The following SEMA6A variants were observed in gnomAD, a reference collection of about 807,000 sequenced individuals.
The protein encoded by SEMA6A is semaphorin 6A, also known as semaphorin-6A.
In SEMA6A, 25 loss-of-function variants were observed where a neutral mutation model predicts 96.8. That is an observed-to-expected ratio of 0.26 (90% CI 0.19 to 0.36). The LOEUF (loss-of-function observed/expected upper bound fraction) is 0.36. Among genes scored for constraint, SEMA6A ranks in the 10% least tolerant of loss-of-function variants. SEMA6A has a pLI of 1.00. For synonymous variants in SEMA6A, 612 were observed against 518.0 expected, an observed-to-expected ratio of 1.18 and a Z score of -2.46; for missense variants, 1,363 against 1,323.1, an observed-to-expected ratio of 1.03 and a Z score of -0.47.
At chr5:116,528,844 C>T (rs978665357) in intron 1 of SEMA6A, among the ~76,000 whole-genome samples, 1 of 152,188 alleles carries the variant, frequency 6.6e-6, no homozygotes, top group African/African-American at 2.4e-5. Context: ...TCCGTTCTAC[C>T]GCTGTGAATG....
chr5:116,513,985 A>G (rs115487869), intron 1 of SEMA6A, among the ~76,000 whole-genome samples: 4,312 of 152,272 alleles, frequency 0.028, 215 homozygotes, highest in African/African-American at 0.099. Context: ...GCTGCATAGT[A>G]TTCCATCATG....
intron 18 of SEMA6A, chr5:116,449,395 A>C: frequency 1.4e-6 from 1 of 702,132 alleles, no homozygotes; most frequent in Non-Finnish European, 2.6e-6. Flanking sequence ...TTTTACTGGC[A>C]GGTATCAGTG....
At chr5:116,466,708 CT>C (rs1755779806) in intron 18 of SEMA6A, among the ~76,000 whole-genome samples, 1 of 152,186 alleles carries the variant, frequency 6.6e-6, no homozygotes, top group Non-Finnish European at 1.5e-5. Context: ...GAAACTCAAA[CT>C]CCCGCTTGGA....
chr5:116,524,876 G>A (rs1358197531), intron 1 of SEMA6A, among the ~76,000 whole-genome samples: 1 of 151,036 alleles, frequency 6.6e-6, no homozygotes, highest in Non-Finnish European at 1.5e-5. Flanking sequence ...TTGGGTCAAT[G>A]ACAAGGAAAC....
At position 116,475,124 on chromosome 5, in the gene SEMA6A, T is replaced by C. The variant is rs190828739; in HGVS notation, c.1708+421A>G. 6.2e-4 allele frequency among the ~76,000 whole-genome samples: 95 copies of C among 152,302 alleles called. 1 individual carries two copies. The highest frequency in any genetic ancestry group is 2.6e-4 in the Non-Finnish European group (18 of 68,030). On this transcript the variant is annotated intron_variant, in intron 16 of 18. Coordinates refer to ENST00000343348, the MANE Select transcript of SEMA6A (RefSeq NM_020796.5). ...AAACATAATTGCTTTTGTTAGTCGA[T>C]ATGTTCAAGAATAAAACAGGCCCAC...
At chr5:116,484,215 A>G (rs1247107798) in intron 10 of SEMA6A, among the ~76,000 whole-genome samples, 1 of 152,210 alleles carries the variant, frequency 6.6e-6, no homozygotes, top group African/African-American at 2.4e-5. Flanking sequence ...TTATATATTA[A>G]GAAAAATAGG....
intron 18 of SEMA6A, among the ~76,000 whole-genome samples, chr5:116,452,879 A>T (rs976313048): frequency 5.9e-5 from 9 of 152,186 alleles, no homozygotes; most frequent in African/African-American, 2.2e-4. Flanking sequence ...TTTACCAAGC[A>T]CTGCACTAGG....
chr5:116,486,698 G>A, intron 10 of SEMA6A, 51 bp downstream of exon 10: 5 of 1,473,074 alleles, frequency 3.4e-6, no homozygotes, highest in Middle Eastern at 1.7e-4. Context: ...CCCCCTGGGA[G>A]AAGGAAGCCA....
intron 12 of SEMA6A, among the ~76,000 whole-genome samples, chr5:116,479,602 T>C (rs1283856826): frequency 6.6e-6 from 1 of 152,206 alleles, no homozygotes; most frequent in Non-Finnish European, 1.5e-5. Flanking sequence ...GGAAGAGTTT[T>C]TTAATACTAC....
rs1433880386 is a variant in SEMA6A, at chr5:116,447,623, G to A, written c.2083C>T (p.Arg695Cys). Residue 695 changes from arginine to cysteine, a missense_variant, in exon 19 of 19, where the codon CGC (arginine) becomes TGC (cysteine). Physicochemically the swap from Arg to Cys is radical, Grantham distance 180. This residue lies in a region of SEMA6A where 883 missense variants were observed against 763.6 expected (regional missense o/e 1.16). Transcript: ENST00000343348. The part of the protein sequence containing the change: ...QRKEKELTHS[R>C]RGSMSSVTKL... ...GTGACGCTGCTCATGGAGCCCCGGC[G>A]CGAGTGGGTGAGCTCCTTCTCCTTG... is the stretch of plus-strand genomic sequence containing the variant. 1.2e-6 allele frequency: 2 copies of A among 1,613,988 alleles called. No individual in the cohort carries two copies. Among genetic ancestry groups the A allele is most frequent in the Non-Finnish European group, 8.5e-7 (1 of 1,179,874 alleles).
At chr5:116,561,445 A>C (rs1760815679) in intron 1 of SEMA6A, among the ~76,000 whole-genome samples, 1 of 152,200 alleles carries the variant, frequency 6.6e-6, no homozygotes, top group South Asian at 2.1e-4. Flanking sequence ...TGTGTTGAGC[A>C]CTTTAAACAT....
At chr5:116,470,311 A>G (rs1330009405) in intron 17 of SEMA6A, among the ~76,000 whole-genome samples, 1 of 152,232 alleles carries the variant, frequency 6.6e-6, no homozygotes, top group East Asian at 1.9e-4. Flanking sequence ...ATGCTACAAA[A>G]ATAGGCAAAC....
intron 1 of SEMA6A, among the ~76,000 whole-genome samples, chr5:116,505,553 G>C (rs150079231): frequency 4.5e-4 from 69 of 151,752 alleles, no homozygotes; most frequent in African/African-American, 1.6e-3. Flanking sequence ...ATTCACCCCT[G>C]ACTTATGTCA....
chr5:116,529,954 C>T (rs1337975110), intron 1 of SEMA6A, among the ~76,000 whole-genome samples: 1 of 151,980 alleles, frequency 6.6e-6, no homozygotes, highest in African/African-American at 2.4e-5. Flanking sequence ...ACAATTTACC[C>T]ATGTAACAAG....
In SEMA6A at chr5:116,491,909, G is replaced by A. The variant is rs1038643508; in HGVS notation, c.445-79C>T. The A allele has an allele frequency of 9.5e-6, 11 of 1,153,558 alleles. 1 individual carries two copies. Among genetic ancestry groups the A allele is most frequent in the South Asian group, 6.3e-5 (5 of 79,694 alleles). 71.5% of individuals were successfully genotyped at this position (1,153,558 alleles called of 1,614,324 possible). A position where few individuals can be genotyped will look rare whatever the true frequency, so the allele number is the denominator to read the frequency against. On this transcript the variant is annotated intron_variant, in intron 6 of 18. Transcript: ENST00000343348. ...AACCCTCAGAAATAATTTCCAGGATGTGACAGGCCTTTTGTAATCTGTAAT... is the reference window on the plus strand; with the variant it reads ...AACCCTCAGAAATAATTTCCAGGATATGACAGGCCTTTTGTAATCTGTAAT...
chr5:116,560,940 A>G (rs5016403), intron 1 of SEMA6A, among the ~76,000 whole-genome samples: 34,513 of 152,088 alleles, frequency 0.23, 3,966 homozygotes, highest in East Asian at 0.31. Context: ...ACTCACTTCT[A>G]TGTAATAGGA....
At chr5:116,473,196 G>A in intron 16 of SEMA6A, 103 bp from the exon 17 acceptor site, 1 of 1,106,980 alleles carries the variant, frequency 9.0e-7, no homozygotes. Context: ...GCCAGCGTAT[G>A]GTCCCCGATA....
At chr5:116,457,625 G>T (rs561442133) in intron 18 of SEMA6A, among the ~76,000 whole-genome samples, 6 of 152,114 alleles carry the variant, frequency 3.9e-5, no homozygotes, top group Admixed American at 1.3e-4. Flanking sequence ...TTAATTAAGG[G>T]TGACAAACCT....
chr5:116,472,767 T>G, intron 17 of SEMA6A: 1 of 697,044 alleles, frequency 1.4e-6, no homozygotes, highest in Non-Finnish European at 2.2e-6. Context: ...TTTTAGTGAA[T>G]TGGGGCCCTA....
Sources: allele counts gnomAD v4.1 joint callset (sites outside exome capture counted in the v4.1 genomes callset), GRCh38; gene constraint gnomAD v4.1.1; regional missense constraint gnomAD v4.1.1; transcripts MANE v1.5; gene names NCBI Gene and HGNC (gene_info 2026-07-23, HGNC 2026-07-21).